The following OSCP1 variants were observed in gnomAD, a reference collection of about 807,000 sequenced individuals.
The protein encoded by OSCP1 is protein OSCP1.
OSCP1 carries 35 observed loss-of-function variants against 45.1 expected under a neutral mutation model. The observed-to-expected ratio is 0.78, with a 90% CI of 0.59 to 1.03. The LOEUF is 1.03. Ranked by LOEUF, OSCP1 falls within the 50% of genes least tolerant of loss-of-function variation. OSCP1 has a pLI of 0.00. For synonymous variants in OSCP1, 179 were observed against 180.1 expected (o/e 0.99, Z 0.05); for missense variants, 400 against 470.7 (o/e 0.85, Z 1.39).
chr1:36,429,418 C>G (rs1648200397), intron 4 of OSCP1, among the ~76,000 whole-genome samples: 1 of 151,396 alleles, frequency 6.6e-6, no homozygotes, highest in African/African-American at 2.4e-5. Context: ...ATGTCTGGCT[C>G]CAGAGCCTGG....
intron 1 of OSCP1, among the ~76,000 whole-genome samples, chr1:36,441,690 G>C (rs972850119): frequency 6.7e-6 from 1 of 148,270 alleles, no homozygotes; most frequent in African/African-American, 2.5e-5. Flanking sequence ...GGCGGAGCTT[G>C]CGGTGAACCG....
chr1:36,418,652 C>A (rs1480692044), intron 9 of OSCP1: 2 of 337,050 alleles, frequency 5.9e-6, no homozygotes, highest in African/African-American at 4.3e-5. Context: ...TACGGTGGCT[C>A]ACCTTTGTAA....
intron 4 of OSCP1, among the ~76,000 whole-genome samples, chr1:36,427,006 T>C (rs1044927840): frequency 1.4e-5 from 2 of 145,396 alleles, no homozygotes; most frequent in Admixed American, 6.9e-5. Flanking sequence ...GTGCCTGGCC[T>C]CTTTTTTTTT....
intron 2 of OSCP1, among the ~76,000 whole-genome samples, chr1:36,437,618 A>C (rs1039314587): frequency 2.0e-5 from 3 of 152,152 alleles, no homozygotes; most frequent in African/African-American, 4.8e-5. Context: ...TCCTGGGTTC[A>C]AGTGATTCTC....
At chr1:36,438,490 AAAAACAAAAAAACACCC>A (rs1648907785) in intron 2 of OSCP1, among the ~76,000 whole-genome samples, 1 of 152,120 alleles carries the variant, frequency 6.6e-6, no homozygotes, top group African/African-American at 2.4e-5. Context: ...ACCCCATTTC[AAAAACAAAAAAACACCC>A]AAAACAAATC....
intron 4 of OSCP1, among the ~76,000 whole-genome samples, chr1:36,426,550 G>C (rs1647974939): frequency 6.6e-6 from 1 of 152,048 alleles, no homozygotes; most frequent in Non-Finnish European, 1.5e-5. Context: ...GCTCAGAACA[G>C]GGCCCATCTT....
At chr1:36,445,104 C>T (rs1237483780) in intron 1 of OSCP1, among the ~76,000 whole-genome samples, 2 of 152,238 alleles carry the variant, frequency 1.3e-5, no homozygotes, top group African/African-American at 4.8e-5. Flanking sequence ...AATCCCAGAA[C>T]TTTGGGAGGC....
At chr1:36,425,298 C>T (rs1220960253) in intron 4 of OSCP1, among the ~76,000 whole-genome samples, 1 of 152,166 alleles carries the variant, frequency 6.6e-6, no homozygotes, top group Non-Finnish European at 1.5e-5. Context: ...GGCTTAAATA[C>T]TGGACGGGCC....
chr1:36,422,276 C>CT, intron 6 of OSCP1, 57 bp from the exon 7 acceptor site: 1 of 1,471,760 alleles, frequency 6.8e-7, no homozygotes, highest in Non-Finnish European at 9.5e-7. Flanking sequence ...GGACTTCTCT[C>CT]TAACTCGTAA....
In OSCP1 at chr1:36,420,588, T is replaced by C. The variant is rs758620253; in HGVS notation, c.847A>G (p.Lys283Glu). The change falls in exon 8 of 10, where the codon AAA (lysine) becomes GAA (glutamate). Residue 283 changes from lysine to glutamate, a missense_variant. Transcript: ENST00000235532. ...CTGGCCAAGAAATTCAGCTCTTCTT[T>C]AGCAAGAGGGTTTGGAGCAATGCTT... ...QESIAPNPLAKEELNFLARLM... is the reference protein window; with the variant it reads ...QESIAPNPLAEEELNFLARLM... 18 of 1,614,060 alleles carry C rather than the reference T, an allele frequency of 1.1e-5. No individual in the cohort carries two copies. The East Asian group carries it at 3.8e-4, about 34-fold the overall frequency.
chr1:36,427,909 C>T (rs114536365), intron 4 of OSCP1, among the ~76,000 whole-genome samples: 2,254 of 151,962 alleles, frequency 0.015, 28 homozygotes, highest in African/African-American at 0.042. Flanking sequence ...AAAATAAGGC[C>T]GGGCGCTGTG....
chr1:36,431,974 C>G (rs1416454973), intron 3 of OSCP1, 92 bp from the exon 4 acceptor site: 1 of 1,169,086 alleles, frequency 8.6e-7, no homozygotes, highest in Non-Finnish European at 1.2e-6. Context: ...GGGATGGGAG[C>G]CAGATAGGTA....
In OSCP1 at chr1:36,447,247, G is replaced by A. The variant is rs72919399; in HGVS notation, c.112+3011C>T. On this transcript the variant is annotated intron_variant, in intron 1 of 9. Coordinates refer to ENST00000235532, the MANE Select transcript of OSCP1 (RefSeq NM_145047.5). This position sits in a 1 kb window ranked among gnomAD's most constrained non-coding sequence, Gnocchi z 4.1. The stretch of plus-strand genomic sequence containing the variant: ...GGAAGACATGAGTATTTCTCAGCCC[G>A]TTGAATCCTATGCTCTCTACCCTGT... 8.6e-3 allele frequency among the ~76,000 whole-genome samples: 1,304 copies of A among 152,246 alleles called. 18 individuals carry two copies. Among genetic ancestry groups the A allele is most frequent in the African/African-American group, 0.029 (1,221 of 41,550 alleles).
At chr1:36,423,584 G>A in intron 4 of OSCP1, 118 bp from the exon 5 acceptor site, 1 of 779,582 alleles carries the variant, frequency 1.3e-6, no homozygotes, top group Non-Finnish European at 2.0e-6. Context: ...ATAACAATAA[G>A]AAGGGAGAGG....
chr1:36,437,720 T>C (rs773948023), intron 2 of OSCP1, among the ~76,000 whole-genome samples: 1 of 152,242 alleles, frequency 6.6e-6, no homozygotes, highest in East Asian at 1.9e-4. Context: ...GGTTTTACCA[T>C]GTTGGCCAGA....
chr1:36,446,511 G>A (rs972522229), intron 1 of OSCP1, among the ~76,000 whole-genome samples: 1 of 152,216 alleles, frequency 6.6e-6, no homozygotes, highest in Non-Finnish European at 1.5e-5. Flanking sequence ...CAGGCTGAAC[G>A]CCAGCAGGGG....
intron 1 of OSCP1, among the ~76,000 whole-genome samples, chr1:36,448,907 G>C (rs757942863): frequency 6.6e-6 from 1 of 152,198 alleles, no homozygotes; most frequent in Non-Finnish European, 1.5e-5. Context: ...AGCTGACAAA[G>C]GGTTTTAGGC....
chr1:36,441,319 T>G (rs1195884194), intron 1 of OSCP1, among the ~76,000 whole-genome samples: 1 of 152,146 alleles, frequency 6.6e-6, no homozygotes, highest in Non-Finnish European at 1.5e-5. Context: ...CACCCAGCCC[T>G]TGGTTGAGGC....
intron 2 of OSCP1, among the ~76,000 whole-genome samples, chr1:36,435,799 A>G (rs1305834393): frequency 2.0e-5 from 3 of 151,690 alleles, no homozygotes; most frequent in African/African-American, 7.3e-5. Flanking sequence ...TGCCCAGCTA[A>G]TTTTTTGTAT....
Sources: allele counts gnomAD v4.1 joint callset (sites outside exome capture counted in the v4.1 genomes callset), GRCh38; gene constraint gnomAD v4.1.1; non-coding constraint Gnocchi (gnomAD v3.1); transcripts MANE v1.5; gene names NCBI Gene and HGNC (gene_info 2026-07-23, HGNC 2026-07-21).